The following RWDD3 variants were observed in gnomAD, a reference collection of about 807,000 sequenced individuals.
The protein encoded by RWDD3 is RWD domain containing 3.
A neutral mutation model predicts 26.5 loss-of-function variants in RWDD3; 30 were observed. The observed-to-expected ratio is 1.13, with a 90% CI of 0.85 to 1.54. RWDD3 has a LOEUF of 1.54. Ranked by LOEUF, RWDD3 falls within the 40% of genes most tolerant of loss-of-function variation. The pLI is 0.00. For missense variants in RWDD3, 296 were observed against 309.1 expected (o/e 0.96, Z 0.32); for synonymous variants, 113 against 114.5 (o/e 0.99, Z 0.09).
At chr1:95,241,954 T>G (rs572369369) in intron 1 of RWDD3, among the ~76,000 whole-genome samples, 1 of 151,550 alleles carries the variant, frequency 6.6e-6, no homozygotes, top group East Asian at 2.0e-4. Context: ...TTAGGTAAAC[T>G]CTCCCACATT....
intron 1 of RWDD3, among the ~76,000 whole-genome samples, chr1:95,236,384 A>G (rs945645194): frequency 6.6e-5 from 10 of 151,894 alleles, no homozygotes; most frequent in African/African-American, 2.2e-4. Context: ...TGAGAAAACC[A>G]TTTAAGATTA....
In RWDD3 at chr1:95,244,380, G is replaced by T. The variant is rs775867576; in HGVS notation, c.255G>T (p.Glu85Asp). Residue 85 changes from glutamate (E) to aspartate (D), a missense_variant, in exon 2 of 4, where the codon GAG (glutamate) becomes GAT (aspartate). Glu to Asp is a conservative substitution (Grantham distance 45). Transcript: ENST00000370202. The part of the protein sequence containing the change: ...LTRAQCVTVK[E>D]NLLEQAESLL... ...GGGCCCAGTGTGTGACTGTGAAAGA[G>T]AATTTACTTGAGCAAGCAGAGAGCC... 4 of 1,614,066 alleles carry T rather than the reference G, an allele frequency of 2.5e-6. No individual in the cohort carries two copies. Among genetic ancestry groups the T allele is most frequent in the African/African-American group, 2.7e-5 (2 of 74,926 alleles).
intron 1 of RWDD3, chr1:95,237,560 T>G (rs1324541780): frequency 3.9e-5 from 6 of 152,224 alleles, no homozygotes; most frequent in African/African-American, 1.4e-4. Flanking sequence ...CTCTTTACAA[T>G]GGTTATAGTA....
At chr1:95,237,483 A>G (rs1464180435) in intron 1 of RWDD3, 1 of 152,186 alleles carries the variant, frequency 6.6e-6, no homozygotes, top group Non-Finnish European at 1.5e-5. Context: ...AAGCTAAATA[A>G]TTGGATTCCA....
At chr1:95,245,885 A>G (rs1445928627) in intron 2 of RWDD3, among the ~76,000 whole-genome samples, 1 of 152,292 alleles carries the variant, frequency 6.6e-6, no homozygotes, top group East Asian at 1.9e-4. Context: ...ACAGGTATCT[A>G]TTCATATTTA....
chr1:95,244,141 T>C, intron 1 of RWDD3, 70 bp from the exon 2 acceptor site: 2 of 1,532,402 alleles, frequency 1.3e-6, no homozygotes, highest in Non-Finnish European at 8.8e-7. Context: ...GAGACAAAAG[T>C]TTGAACTTGC....
At chr1:95,241,425 G>A (rs1377791074) in intron 1 of RWDD3, among the ~76,000 whole-genome samples, 2 of 152,136 alleles carry the variant, frequency 1.3e-5, no homozygotes, top group Non-Finnish European at 2.9e-5. Flanking sequence ...TATAGCTGAG[G>A]GGCAGTGAGC....
Position 95,234,230 on chromosome 1 carries a change from C to A in RWDD3, c.-1C>A. 1 of 1,585,596 alleles carries A rather than the reference C, an allele frequency of 6.3e-7. No individual in the cohort carries two copies. Among genetic ancestry groups the A allele is most frequent in the Non-Finnish European group, 8.6e-7 (1 of 1,166,566 alleles). ...GCGCTGAGGCGGTGGGGCCCACAGC[C>A]ATGGCGGAGCCTGTGCAGGAGGAGC... On this transcript the variant is annotated 5_prime_UTR_variant, in exon 1 of 4. Transcript: ENST00000370202.
intron 1 of RWDD3, among the ~76,000 whole-genome samples, chr1:95,235,694 T>G (rs1366461415): frequency 2.6e-5 from 4 of 151,980 alleles, no homozygotes; most frequent in Non-Finnish European, 4.4e-5. Context: ...TCTTGAGGGC[T>G]TTATTAGTCA....
intron 1 of RWDD3, 25 bp downstream of exon 1, chr1:95,234,340 C>G: frequency 1.3e-6 from 2 of 1,568,634 alleles, no homozygotes; most frequent in Non-Finnish European, 1.7e-6. Context: ...GCGGGAGGGA[C>G]AGGGCGCCCT....
intron 1 of RWDD3, among the ~76,000 whole-genome samples, chr1:95,240,853 A>G (rs1285756129): frequency 6.6e-6 from 1 of 151,890 alleles, no homozygotes; most frequent in African/African-American, 2.4e-5. Context: ...GGAGGGAAAA[A>G]AAAAAGTTGA....
At chr1:95,237,211 T>A (rs1168451003) in intron 1 of RWDD3, 1 of 152,094 alleles carries the variant, frequency 6.6e-6, no homozygotes, top group African/African-American at 2.4e-5. Flanking sequence ...AAGTAAGGAC[T>A]TCTTTAACAG....
intron 1 of RWDD3, among the ~76,000 whole-genome samples, chr1:95,240,579 C>T (rs1241185972): frequency 1.3e-5 from 2 of 152,014 alleles, no homozygotes; most frequent in Non-Finnish European, 1.5e-5. Context: ...AGACTGAGGA[C>T]ATGGTATAAA....
rs757212603 is a variant in RWDD3 at position 95,246,498 on chromosome 1, A to C, written c.574-44A>C. ...GCTCCTTTAAAACTGGGACTTTGAG[A>C]CTCAGAGTAAGATATGTATTTAATG... On this transcript the variant is annotated intron_variant, in intron 2 of 3. Coordinates refer to ENST00000370202, the MANE Select transcript of RWDD3 (RefSeq NM_015485.5). 40 of 977,578 alleles carry C rather than the reference A, an allele frequency of 4.1e-5. No individual in the cohort carries two copies. In the Middle Eastern group the frequency reaches 8.4e-4, roughly 21 times the overall value. 60.6% of individuals were successfully genotyped at this position (977,578 alleles called of 1,614,324 possible).
chr1:95,237,070 C>G (rs188587558), intron 1 of RWDD3, among the ~76,000 whole-genome samples: 7 of 151,892 alleles, frequency 4.6e-5, no homozygotes, highest in South Asian at 4.2e-4. Context: ...CAACTTAGGA[C>G]ATTTTGTTGC....
At chr1:95,240,344 T>C (rs1399942264) in intron 1 of RWDD3, among the ~76,000 whole-genome samples, 1 of 152,206 alleles carries the variant, frequency 6.6e-6, no homozygotes, top group Non-Finnish European at 1.5e-5. Flanking sequence ...TTTTGGTTGT[T>C]GTTTAAAAAG....
intron 1 of RWDD3, chr1:95,243,570 TC>T (rs1210874664): frequency 6.6e-6 from 1 of 152,564 alleles, no homozygotes; most frequent in Non-Finnish European, 1.5e-5. Context: ...ATGTGTGCTT[TC>T]CCCTTCCTTC....
Position 95,244,310 on chromosome 1 carries a change from C to T in RWDD3, c.185C>T (p.Pro62Leu), listed in dbSNP as rs1003419845. 9 of 1,614,058 alleles carry T rather than the reference C, an allele frequency of 5.6e-6. No homozygotes were observed. In the African/African-American group the frequency reaches 1.2e-4, roughly 22 times the overall value. The part of the protein sequence containing the change: ...ELVFHLPVNY[P>L]SCLPGISINS... ...GTGTTCCATTTGCCAGTCAATTATC[C>T]TTCATGTCTACCTGGTATCTCGATT... The change falls in exon 2 of 4, where the codon CCT becomes CTT. Residue 62 changes from proline (P) to leucine (L), a missense_variant. Physicochemically the swap from Pro to Leu is moderately conservative, Grantham distance 98. Transcript: ENST00000370202.
chr1:95,236,092 G>A (rs1244718259), intron 1 of RWDD3, among the ~76,000 whole-genome samples: 1 of 152,098 alleles, frequency 6.6e-6, no homozygotes, highest in Non-Finnish European at 1.5e-5. Flanking sequence ...TTGGGAGGCC[G>A]AGGCGGGCAG....
Sources: gnomAD v4.1 joint callset for allele counts (sites outside exome capture counted in the v4.1 genomes callset) on GRCh38, gnomAD v4.1.1 for gene constraint, MANE v1.5 for transcripts, NCBI Gene and HGNC (gene_info 2026-07-23, HGNC 2026-07-21) for gene names.